The following EGFLAM variants were observed in gnomAD, a reference collection of about 807,000 sequenced individuals.
EGFLAM encodes the protein pikachurin.
A neutral mutation model predicts 113.1 loss-of-function variants in EGFLAM; 79 were observed. The observed-to-expected ratio is 0.70, with a 90% confidence interval of 0.58 to 0.84. The LOEUF is 0.84. Among genes scored for constraint, EGFLAM ranks in the 40% least tolerant of loss-of-function variants. The probability of loss-of-function intolerance (pLI) is 0.00; values close to 1 mark genes in which losing one functional copy is unlikely to be tolerated. For missense variants in EGFLAM, 1,265 were observed against 1,291.6 expected (o/e 0.98, Z 0.32); for synonymous variants, 504 against 487.6 (o/e 1.03, Z -0.44).
rs563279214 is a variant in EGFLAM at position 38,341,199 on chromosome 5, C to T, written c.291+2418C>T. On this transcript the variant is annotated intron_variant, in intron 3 of 21. Coordinates refer to ENST00000322350, the MANE Select transcript of EGFLAM (RefSeq NM_152403.4). ...ATCTGTGTGAACTACTGTATTAGTC[C>T]GTTCTCACGCTGCTAATAAAGGCAT... 1.1e-3 allele frequency among the ~76,000 whole-genome samples: 170 copies of T among 152,230 alleles called. 1 individual carries two copies. The highest frequency in any genetic ancestry group is 3.7e-3 in the African/African-American group (155 of 41,518).
At chr5:38,305,952 TC>T (rs746503657) in intron 1 of EGFLAM, among the ~76,000 whole-genome samples, 1 of 152,162 alleles carries the variant, frequency 6.6e-6, no homozygotes, top group African/African-American at 2.4e-5. Context: ...AATGGCTGCA[TC>T]AAAGTGGGCT....
chr5:38,354,011 A>G (rs949335833), intron 5 of EGFLAM, among the ~76,000 whole-genome samples: 3 of 152,236 alleles, frequency 2.0e-5, no homozygotes, highest in Admixed American at 6.5e-5. Flanking sequence ...GGCACTGGTC[A>G]TATTCCAAGC....
Position 38,260,183 on chromosome 5 carries a change from C to G in EGFLAM, c.97+1332C>G. ...CTGCACGCACACATACATATACCTT[C>G]AAGGATTTCAGTGAAGGGCTTCTTT... On this transcript the variant is annotated intron_variant, in intron 1 of 21. Coordinates refer to ENST00000322350, the MANE Select transcript of EGFLAM (RefSeq NM_152403.4). 1.3e-5 allele frequency among the ~76,000 whole-genome samples: 2 copies of G among 152,324 alleles called. 1 individual carries two copies.
At chr5:38,445,826 C>G in intron 17 of EGFLAM, 2 of 1,068,928 alleles carry the variant, frequency 1.9e-6, no homozygotes, top group Non-Finnish European at 2.8e-6. Flanking sequence ...TGGTGGGAAG[C>G]CTCCCCGCCG....
chr5:38,258,759 A>T lies in EGFLAM; in HGVS notation c.5A>T (p.Asp2Val), dbSNP rs1026939857. The change falls in exon 1 of 22, where the codon GAT (aspartate) becomes GTT (valine). Residue 2 changes from aspartate (D) to valine (V), a missense_variant. Physicochemically the swap from Asp to Val is radical, Grantham distance 152. Transcript: ENST00000322350. ...TTTGCAGGCGCCGGCTGCGAAATGG[A>T]TTTAATCCGAGGCGTCTTGCTCCGG... is the stretch of plus-strand genomic sequence containing the variant. M[D>V]LIRGVLLRLL... is the part of the protein sequence containing the mutation. The T allele has an allele frequency of 1.4e-5, 22 of 1,609,922 alleles. No individual in the cohort carries two copies. The highest frequency in any genetic ancestry group is 2.7e-5 in the African/African-American group (2 of 74,812).
At chr5:38,458,544 C>T in intron 20 of EGFLAM, 150 bp downstream of exon 20, 1 of 698,316 alleles carries the variant, frequency 1.4e-6, no homozygotes, top group Non-Finnish European at 2.3e-6. Context: ...AATTTTCTAC[C>T]AATTCCCGCT....
Position 38,464,692 on chromosome 5 carries a change from G to A in EGFLAM, c.*706G>A, listed in dbSNP as rs988792715. 1.3e-5 allele frequency: 2 copies of A among 152,236 alleles called. No homozygotes were observed. The highest frequency in any genetic ancestry group is 2.1e-4 in the South Asian group (1 of 4,834). The allele number at this position is 152,236 out of a possible 1,614,324, so 9.4% of individuals were successfully genotyped here. On this transcript the variant is annotated 3_prime_UTR_variant, in exon 22 of 22. Transcript: ENST00000322350. ...TTTGTATGTGTATATTTTTATAGCT[G>A]CAGATTGTCCACACAGTATACTTTT...
intron 14 of EGFLAM, 112 bp from the exon 15 acceptor site, chr5:38,431,065 C>A: frequency 1.1e-6 from 1 of 904,224 alleles, no homozygotes; most frequent in Non-Finnish European, 1.7e-6. Flanking sequence ...CTCATCTCTA[C>A]CAGAAACACA....
rs1743388442 is a variant in EGFLAM at position 38,464,094 on chromosome 5, C to T, written c.*108C>T. 3.6e-6 allele frequency: 5 copies of T among 1,406,766 alleles called. No homozygotes were observed. The East Asian group carries it at 1.2e-4, about 33-fold the overall frequency. 87.1% of individuals were successfully genotyped at this position (1,406,766 alleles called of 1,614,324 possible). A position where few individuals can be genotyped will look rare whatever the true frequency, so the allele number is the denominator to read the frequency against. On this transcript the variant is annotated 3_prime_UTR_variant, in exon 22 of 22. Transcript: ENST00000322350. ...AGAGGCCCAGGGACCAGGTGTGTTT[C>T]CTCTCACCAAGAAGAAAGTACACAC...
chr5:38,295,540 A>G (rs1321849940), intron 1 of EGFLAM, among the ~76,000 whole-genome samples: 1 of 152,206 alleles, frequency 6.6e-6, no homozygotes, highest in African/African-American at 2.4e-5. Context: ...TCATTATTTC[A>G]TTATTTTACT....
intron 1 of EGFLAM, among the ~76,000 whole-genome samples, chr5:38,275,249 T>C (rs1757859293): frequency 1.3e-5 from 2 of 152,152 alleles, no homozygotes; most frequent in Non-Finnish European, 2.9e-5. Context: ...TGAATATAAA[T>C]TGATCAAATT....
chr5:38,414,018 C>T (rs777690628), intron 11 of EGFLAM, among the ~76,000 whole-genome samples: 3 of 152,190 alleles, frequency 2.0e-5, no homozygotes, highest in Non-Finnish European at 2.9e-5. Flanking sequence ...CCCCGCCACT[C>T]ACCTTCTGCT....
intron 1 of EGFLAM, among the ~76,000 whole-genome samples, chr5:38,330,332 C>T (rs1242338926): frequency 6.6e-6 from 1 of 152,152 alleles, no homozygotes; most frequent in African/African-American, 2.4e-5. Context: ...CAAGCAAGGC[C>T]ATCAAAACAT....
chr5:38,438,425 T>C lies in EGFLAM; in HGVS notation c.2434T>C (p.Leu812=). 1 of 1,612,384 alleles carries C rather than the reference T, an allele frequency of 6.2e-7. No individual in the cohort carries two copies. The highest frequency in any genetic ancestry group is 1.1e-5 in the South Asian group (1 of 90,676). The change falls in exon 17 of 22, where the codon TTG becomes CTG. Residue 812 remains leucine, a synonymous_variant. Transcript: ENST00000322350. The part of the protein sequence containing the change: ...RKEGYDCDCP[L]GFEGLHCQKA... Reference sequence around the variant, plus strand: ...GGAGGGCTATGACTGTGACTGCCCCTTGGGCTTTGAGGGGCTTCACTGCCA... The same window carrying C: ...GGAGGGCTATGACTGTGACTGCCCCCTGGGCTTTGAGGGGCTTCACTGCCA...
intron 1 of EGFLAM, among the ~76,000 whole-genome samples, chr5:38,259,572 C>A (rs146127253): frequency 3.3e-5 from 5 of 152,274 alleles, no homozygotes; most frequent in Non-Finnish European, 4.4e-5. Flanking sequence ...TTTGATTTGG[C>A]CTATGCTGTG....
At chr5:38,368,195 C>A (rs551021884) in intron 5 of EGFLAM, among the ~76,000 whole-genome samples, 3 of 152,146 alleles carry the variant, frequency 2.0e-5, no homozygotes, top group Admixed American at 6.6e-5. Context: ...TTTTAGGTAT[C>A]CCCTGTGGTT....
chr5:38,412,201 G>GATCCCGTCAT (rs1482204157), intron 10 of EGFLAM, among the ~76,000 whole-genome samples: 1 of 152,178 alleles, frequency 6.6e-6, no homozygotes, highest in Non-Finnish European at 1.5e-5. Flanking sequence ...CCGTCATGCA[G>GATCCCGTCAT]GTAGCGAGCA....
At chr5:38,297,699 A>G (rs1281541042) in intron 1 of EGFLAM, among the ~76,000 whole-genome samples, 1 of 152,180 alleles carries the variant, frequency 6.6e-6, no homozygotes, top group Non-Finnish European at 1.5e-5. Flanking sequence ...TTCTCAGGCA[A>G]AAAGCTAGCA....
rs116899075 is a variant in EGFLAM, at chr5:38,297,980, C to G, written c.97+39129C>G. On this transcript the variant is annotated intron_variant, in intron 1 of 21. Transcript: ENST00000322350. ...TGCTCCAGGGCATTTCAGTCAGGAT[C>G]CAGTGTCCTTGAGCCAAAATTCACA... is the stretch of plus-strand genomic sequence containing the variant. Among the ~76,000 whole-genome samples the G allele has an allele frequency of 3.9e-5, 6 of 152,310 alleles. No individual in the cohort carries two copies. The East Asian group carries it at 1.2e-3, about 29-fold the overall frequency.
Sources: gnomAD v4.1 joint callset for allele counts (sites outside exome capture counted in the v4.1 genomes callset) on GRCh38, gnomAD v4.1.1 for gene constraint, MANE v1.5 for transcripts, NCBI Gene and HGNC (gene_info 2026-07-23, HGNC 2026-07-21) for gene names.